The following NTHL1 variants were observed in gnomAD, a reference collection of about 807,000 sequenced individuals.
NTHL1 encodes the protein endonuclease III-like protein 1.
A neutral mutation model predicts 32.3 loss-of-function variants in NTHL1; 32 were observed. The observed-to-expected ratio is 0.99, with a 90% CI of 0.75 to 1.33. The LOEUF is 1.33. Ranked by LOEUF, NTHL1 falls within the 40% of genes most tolerant of loss-of-function variation. NTHL1 has a pLI of 0.00. For synonymous variants in NTHL1, 188 were observed against 176.9 expected (o/e 1.06, Z -0.50); for missense variants, 501 against 414.1 (o/e 1.21, Z -1.82).
rs775389995 is a variant in NTHL1, at chr16:2,040,114, GC to G, written c.791+18del. The G allele has an allele frequency of 2.5e-6, 4 of 1,613,026 alleles. No homozygotes were observed. Among genetic ancestry groups the G allele is most frequent in the Non-Finnish European group, 3.4e-6 (4 of 1,179,794 alleles). The stretch of plus-strand genomic sequence containing the variant: ...CGGGGTGAGCTCTTCTCCCTAGGAA[GC>G]CCCCCACATACTCATACCTAGGCAG... On this transcript the variant is annotated intron_variant, in intron 5 of 5. Coordinates refer to ENST00000651570, the MANE Select transcript of NTHL1 (RefSeq NM_002528.7).
At chr16:2,042,995 C>T (rs2084290345) in intron 4 of NTHL1, among the ~76,000 whole-genome samples, 1 of 129,760 alleles carries the variant, frequency 7.7e-6, no homozygotes, top group Non-Finnish European at 1.6e-5. Context: ...CCCCACCCCA[C>T]CTGCTGAGGG....
At position 2,040,224 on chromosome 16, in the gene NTHL1, C is replaced by T. The variant is rs1596216485; in HGVS notation, c.700G>A (p.Val234Met). The part of the protein sequence containing the change: ...TVSGIAVDTH[V>M]HRIANRLRWT... ...CTCAGCCTGTTGGCGATTCTGTGCA[C>T]ATGCGTGTCCACTGCTGCTGGGAGG... Residue 234 changes from valine to methionine, a missense_variant, in exon 5 of 6, where the codon GTG becomes ATG. By Grantham distance (21) the Val-to-Met change is conservative (BLOSUM62 1). Transcript: ENST00000651570. 1 of 1,613,674 alleles carries T rather than the reference C, an allele frequency of 6.2e-7. No homozygotes were observed. The highest frequency in any genetic ancestry group is 8.5e-7 in the Non-Finnish European group (1 of 1,180,016).
At chr16:2,046,010 C>T in intron 2 of NTHL1, 118 bp downstream of exon 2, 2 of 776,688 alleles carry the variant, frequency 2.6e-6, no homozygotes, top group South Asian at 1.6e-5. Flanking sequence ...CACCGGGTGT[C>T]CATCCTCCCA....
intron 2 of NTHL1, among the ~76,000 whole-genome samples, chr16:2,045,761 C>T (rs2084341001): frequency 6.6e-6 from 1 of 152,172 alleles, no homozygotes; most frequent in South Asian, 2.1e-4. Flanking sequence ...TACAGACAAG[C>T]AAACTGAGGC....
At chr16:2,047,582 A>AC in intron 1 of NTHL1, 127 bp downstream of exon 1, 1 of 1,396,306 alleles carries the variant, frequency 7.2e-7, no homozygotes. Flanking sequence ...GCACGTGGGA[A>AC]CCGTTCGCGG....
intron 4 of NTHL1, chr16:2,042,144 C>T (rs1018843470): frequency 2.4e-5 from 11 of 454,356 alleles, no homozygotes; most frequent in Admixed American, 1.2e-4. Flanking sequence ...GGCCCACAGA[C>T]ACCTGGAGAG....
chr16:2,040,256 G>T lies in NTHL1; in HGVS notation c.686-18C>A, dbSNP rs995139097. The stretch of plus-strand genomic sequence containing the variant: ...GTCCACTGCTGCTGGGAGGCCAAGC[G>T]GGGTGAACAGGGGCACACTCCACCA... On this transcript the variant is annotated intron_variant, in intron 4 of 5. Transcript: ENST00000651570. 1 of 1,605,408 alleles carries T rather than the reference G, an allele frequency of 6.2e-7. No homozygotes were observed.
At position 2,043,458 on chromosome 16, in the gene NTHL1, G is replaced by C. The variant is rs986526986; in HGVS notation, c.685+109C>G. The C allele has an allele frequency of 3.3e-5, 49 of 1,478,336 alleles. 1 individual carries two copies. The South Asian group carries it at 5.8e-4, about 18-fold the overall frequency. 91.6% of individuals were successfully genotyped at this position (1,478,336 alleles called of 1,614,324 possible). A position where few individuals can be genotyped will look rare whatever the true frequency, so the allele number is the denominator to read the frequency against. Reference sequence around the variant, plus strand: ...CTGGGAGCACCTTTCTGACTCTATGGGCTGGGTGGAGGACCAGCATGCTGG... The same window carrying C: ...CTGGGAGCACCTTTCTGACTCTATGCGCTGGGTGGAGGACCAGCATGCTGG... On this transcript the variant is annotated intron_variant, in intron 4 of 5. Transcript: ENST00000651570. This position sits in a 1 kb window ranked among gnomAD's most constrained non-coding sequence, Gnocchi z 4.4.
At chr16:2,045,922 A>C (rs777981275) in intron 2 of NTHL1, among the ~76,000 whole-genome samples, 16 of 152,192 alleles carry the variant, frequency 1.1e-4, no homozygotes, top group Non-Finnish European at 1.9e-4. Context: ...CACTGGGCAG[A>C]AGTTCGAGCA....
rs777988627 is a variant in NTHL1, at chr16:2,044,793, C to T, written c.362G>A (p.Arg121Lys). The change falls in exon 3 of 6, where the codon AGG (arginine) becomes AAG (lysine). Residue 121 changes from arginine to lysine, a missense_variant. Arg to Lys is a conservative substitution (Grantham distance 26, BLOSUM62 2). Transcript: ENST00000651570. The surrounding 1 kb of genome is among the most constrained non-coding windows in gnomAD (Gnocchi z 5.0). Reference protein sequence around the residue: ...YDSSAPPKVRRYQVLLSLMLS... With the variant: ...YDSSAPPKVRKYQVLLSLMLS... ...CATCAGTGACAGCAGCACCTGGTAC[C>T]TGCGTACCTGCTTGTGCAGTGACAG... 6.2e-7 allele frequency: 1 copy of T among 1,604,546 alleles called. No individual in the cohort carries two copies. The highest frequency in any genetic ancestry group is 1.1e-5 in the South Asian group (1 of 90,164).
At position 2,042,221 on chromosome 16, in the gene NTHL1, G is replaced by A. The variant is rs192784774; in HGVS notation, c.685+1346C>T. On this transcript the variant is annotated intron_variant, in intron 4 of 5. Coordinates refer to ENST00000651570, the MANE Select transcript of NTHL1 (RefSeq NM_002528.7). Reference sequence around the variant, plus strand: ...CAAAGCCCGTTCCCTGCCTGGCTGCGGGCAGGGACCTTCCCCCACAGCCCT... The same window carrying A: ...CAAAGCCCGTTCCCTGCCTGGCTGCAGGCAGGGACCTTCCCCCACAGCCCT... 2,951 of 402,102 alleles carry A rather than the reference G, an allele frequency of 7.3e-3. 14 individuals carry two copies. Among genetic ancestry groups the A allele is most frequent in the Non-Finnish European group, 0.01 (2,081 of 200,562 alleles). 24.9% of individuals were successfully genotyped at this position (402,102 alleles called of 1,614,324 possible). A position where few individuals can be genotyped will look rare whatever the true frequency, so the allele number is the denominator to read the frequency against.
rs2084304170 is a variant in NTHL1, at chr16:2,043,874, G to A, written c.526-148C>T. ...TCAGCCCCCGCCCCCCAGGAGGCGG[G>A]AACAAGCGGAGGGCAGCAGGGAGGC... On this transcript the variant is annotated intron_variant, in intron 3 of 5. Coordinates refer to ENST00000651570, the MANE Select transcript of NTHL1 (RefSeq NM_002528.7). The surrounding 1 kb of genome is among the most constrained non-coding windows in gnomAD (Gnocchi z 4.4). The A allele has an allele frequency of 9.7e-6, 9 of 925,572 alleles. No individual in the cohort carries two copies. Among genetic ancestry groups the A allele is most frequent in the East Asian group, 2.6e-5 (1 of 38,120 alleles). 57.3% of individuals were successfully genotyped at this position (925,572 alleles called of 1,614,324 possible).
intron 4 of NTHL1, 87 bp from the exon 5 acceptor site, chr16:2,040,325 A>ACC: frequency 8.3e-7 from 1 of 1,211,388 alleles, no homozygotes. Flanking sequence ...GTCTGCCACC[A>ACC]CCCCCGTGGC....
At chr16:2,040,357 C>T (rs1350541731) in intron 4 of NTHL1, 119 bp from the exon 5 acceptor site, 25 of 915,718 alleles carry the variant, frequency 2.7e-5, no homozygotes, top group Admixed American at 5.4e-5. Context: ...ACATTGGAAC[C>T]GCAAAGCCCT....
rs747272786 is a variant in NTHL1 at position 2,047,721 on chromosome 16, C to G, written c.103G>C (p.Glu35Gln). The G allele has an allele frequency of 1.5e-5, 23 of 1,583,170 alleles. No individual in the cohort carries two copies. In the African/African-American group the frequency reaches 1.6e-4, roughly 11 times the overall value. Reference protein sequence around the residue: ...REEPGPLRRREAAAEARKSHS... With the variant: ...REEPGPLRRRQAAAEARKSHS... ...GGCGCGGCGCTACCTGCTGCAGCCT[C>G]TCTTCTCCGGAGAGGCCCGGGCTCC... The change falls in exon 1 of 6, where the codon GAG becomes CAG. Residue 35 changes from glutamate (E) to glutamine (Q), a missense_variant. Glu to Gln is a conservative substitution (Grantham distance 29, BLOSUM62 2). Coordinates refer to ENST00000651570, the MANE Select transcript of NTHL1 (RefSeq NM_002528.7).
chr16:2,047,564 G>A (rs907215889), intron 1 of NTHL1, 145 bp downstream of exon 1: 41 of 1,308,728 alleles, frequency 3.1e-5, no homozygotes, highest in Non-Finnish European at 4.0e-5. Context: ...AGGTGGGAAC[G>A]CAGGGCCGCA....
At chr16:2,040,588 C>T (rs2084252825) in intron 4 of NTHL1, 4 of 424,428 alleles carry the variant, frequency 9.4e-6, no homozygotes, top group Non-Finnish European at 1.8e-5. Flanking sequence ...CTGCTTGGAG[C>T]TCTATTCCCC....
intron 1 of NTHL1, chr16:2,047,487 G>A: frequency 1.4e-6 from 1 of 696,592 alleles, no homozygotes; most frequent in Non-Finnish European, 2.3e-6. Flanking sequence ...TGGGGCGAAA[G>A]GGGGCAGCGG....
chr16:2,046,112 T>C lies in NTHL1; in HGVS notation c.354+16A>G. ...TAAGATGGGGGGTCATCTGGGCAGA[T>C]GGGGCCCCTGCCTACCTTTGGGGGG... On this transcript the variant is annotated intron_variant, in intron 2 of 5. Coordinates refer to ENST00000651570, the MANE Select transcript of NTHL1 (RefSeq NM_002528.7). The C allele has an allele frequency of 3.7e-6, 6 of 1,604,962 alleles. No individual in the cohort carries two copies. In the South Asian group the frequency reaches 5.5e-5, roughly 15 times the overall value.
Sources: allele counts gnomAD v4.1 joint callset (sites outside exome capture counted in the v4.1 genomes callset), GRCh38; gene constraint gnomAD v4.1.1; non-coding constraint Gnocchi (gnomAD v3.1); transcripts MANE v1.5; gene names NCBI Gene and HGNC (gene_info 2026-07-23, HGNC 2026-07-21).